PATJ: variants seen among roughly 807,000 people sequenced by gnomAD.
PATJ encodes PATJ crumbs cell polarity complex component.
PATJ carries 190 observed loss-of-function variants against 224.9 expected under a neutral mutation model. The ratio of observed to expected loss-of-function variants is 0.84; its 90% CI spans 0.75 to 0.95. The LOEUF (loss-of-function observed/expected upper bound fraction) is 0.95, where lower values mean the gene tolerates loss of function less well. Among genes scored for constraint, PATJ ranks in the 40% least tolerant of loss-of-function variants. The pLI is 0.00. For synonymous variants in PATJ, 769 were observed against 820.3 expected (o/e 0.94, Z 1.07); for missense variants, 2,121 against 2,270.3 (o/e 0.93, Z 1.34).
chr1:61,797,138 T>C (rs1557662344), intron 10 of PATJ, 149 bp from the exon 11 acceptor site: 2 of 812,364 alleles, frequency 2.5e-6, no homozygotes, highest in Non-Finnish European at 1.9e-6. Flanking sequence ...CCTACCAAAG[T>C]GCTGGGATTA....
intron 37 of PATJ, among the ~76,000 whole-genome samples, chr1:62,120,286 G>C: frequency 6.6e-6 from 1 of 152,022 alleles, no homozygotes; most frequent in East Asian, 1.9e-4. Flanking sequence ...AATTCTTTCA[G>C]CTTTTCTATA....
chr1:61,982,092 T>C (rs919153184), intron 27 of PATJ, among the ~76,000 whole-genome samples: 1 of 152,006 alleles, frequency 6.6e-6, no homozygotes, highest in African/African-American at 2.4e-5. Context: ...TTCTTAGGTT[T>C]TGTGGCCTGC....
intron 14 of PATJ, among the ~76,000 whole-genome samples, chr1:61,812,958 A>G (rs1377372706): frequency 6.6e-6 from 1 of 152,078 alleles, no homozygotes; most frequent in Admixed American, 6.6e-5. Flanking sequence ...TCTCCTTAGT[A>G]GTGTGGACTG....
At chr1:61,774,604 A>G (rs1456522917) in intron 6 of PATJ, among the ~76,000 whole-genome samples, 1 of 152,178 alleles carries the variant, frequency 6.6e-6, no homozygotes, top group Non-Finnish European at 1.5e-5. Context: ...TTTCTCTTCT[A>G]AACCTTTAAC....
intron 4 of PATJ, among the ~76,000 whole-genome samples, chr1:61,769,063 T>C (rs901355327): frequency 6.6e-6 from 1 of 152,160 alleles, no homozygotes; most frequent in African/African-American, 2.4e-5. Flanking sequence ...TGAAAATACC[T>C]CTGATTCCCT....
intron 36 of PATJ, among the ~76,000 whole-genome samples, 161 bp from the exon 37 acceptor site, chr1:62,116,971 C>T (rs1480149867): frequency 6.6e-6 from 1 of 152,158 alleles, no homozygotes; most frequent in African/African-American, 2.4e-5. Context: ...ATGAGATGGG[C>T]CCTCCAGGAG....
At chr1:62,015,705 G>GT (rs966203752) in intron 28 of PATJ, among the ~76,000 whole-genome samples, 60 of 151,928 alleles carry the variant, frequency 3.9e-4, no homozygotes, top group African/African-American at 1.4e-3. Flanking sequence ...GCTAATTTTT[G>GT]TTTTTTGTTT....
intron 18 of PATJ, among the ~76,000 whole-genome samples, chr1:61,859,430 C>T (rs1664200479): frequency 6.6e-6 from 1 of 151,966 alleles, no homozygotes; most frequent in African/African-American, 2.4e-5. Flanking sequence ...TTCTTTTTAA[C>T]TACTAAGTAA....
intron 29 of PATJ, among the ~76,000 whole-genome samples, chr1:62,025,183 C>T (rs1438532348): frequency 6.6e-6 from 1 of 152,210 alleles, no homozygotes; most frequent in East Asian, 1.9e-4. Flanking sequence ...CTCTGTGCAT[C>T]TTCCTGTCAC....
In PATJ at chr1:62,128,942, G is replaced by A; in HGVS notation, c.5268G>A (p.Leu1756=). The A allele has an allele frequency of 6.3e-7, 1 of 1,597,250 alleles. No individual in the cohort carries two copies. The highest frequency in any genetic ancestry group is 8.6e-7 in the Non-Finnish European group (1 of 1,165,188). Residue 1756 remains leucine (L), a synonymous_variant, in exon 41 of 44, where the codon CTG becomes CTA. Coordinates refer to ENST00000642238, the MANE Select transcript of PATJ (RefSeq NM_001350145.3). The stretch of plus-strand genomic sequence containing the variant: ...AGAACGCCTACGGGCGCATTATCCT[G>A]CAGGTATTGCGATCAACGGAGCACG... ...LLKNAYGRII[L]QVVADTNISA...
chr1:62,124,982 T>G (rs979193294), intron 39 of PATJ, among the ~76,000 whole-genome samples: 1 of 151,984 alleles, frequency 6.6e-6, no homozygotes, highest in Non-Finnish European at 1.5e-5. Context: ...ATCCCAGCAT[T>G]GTGGGAGGCC....
intron 28 of PATJ, among the ~76,000 whole-genome samples, chr1:62,000,840 C>A (rs1443598317): frequency 6.6e-6 from 1 of 151,202 alleles, no homozygotes; most frequent in Admixed American, 6.6e-5. Flanking sequence ...CCTATTTCTC[C>A]ACATCCTTTC....
intron 27 of PATJ, among the ~76,000 whole-genome samples, chr1:61,956,351 G>T (rs1432589531): frequency 6.6e-6 from 1 of 152,140 alleles, no homozygotes; most frequent in Non-Finnish European, 1.5e-5. Context: ...GGAAATGTAC[G>T]AGCATTTTGT....
At position 61,756,000 on chromosome 1, in the gene PATJ, C is replaced by G. The variant is rs191799336; in HGVS notation, c.-35-6858C>G. On this transcript the variant is annotated intron_variant, in intron 1 of 43. Transcript: ENST00000642238. ...TATTTTTAGTAGAGACGGGGTTTCT[C>G]CATGTTGGTCTCGAACTCCTGACCT... Among the ~76,000 whole-genome samples, 4 of 152,254 alleles carry G rather than the reference C, an allele frequency of 2.6e-5. No homozygotes were observed. In the East Asian group the frequency reaches 5.8e-4, roughly 22 times the overall value.
rs778283378 is a variant in PATJ, at chr1:61,884,279, A to C, written c.3002A>C (p.Asp1001Ala). 6.2e-7 allele frequency: 1 copy of C among 1,613,250 alleles called. No individual in the cohort carries two copies. ...NDVQGPSLLI[D>A]LPVVAQRREQ... ...GTCCAAGGTCCTAGCTTGCTCATTG[A>C]CCTTCCTGTTGTGGCTCAAAGGAGG... The change falls in exon 22 of 44, where the codon GAC becomes GCC. Residue 1001 changes from aspartate to alanine, a missense_variant. Asp to Ala is a moderately radical substitution (Grantham distance 126). Coordinates refer to ENST00000642238, the MANE Select transcript of PATJ (RefSeq NM_001350145.3).
intron 42 of PATJ, among the ~76,000 whole-genome samples, chr1:62,149,271 G>A (rs1489867851): frequency 6.6e-6 from 1 of 152,062 alleles, no homozygotes; most frequent in East Asian, 1.9e-4. Flanking sequence ...GAGTGATTCT[G>A]CTACAGATGG....
chr1:62,048,597 A>G (rs1311618748), intron 30 of PATJ, among the ~76,000 whole-genome samples: 2 of 151,388 alleles, frequency 1.3e-5, no homozygotes, highest in African/African-American at 4.8e-5. Context: ...AAAATAGTAA[A>G]TTATATTTAA....
chr1:61,816,516 G>C (rs985182299), intron 14 of PATJ: 2 of 151,956 alleles, frequency 1.3e-5, no homozygotes, highest in African/African-American at 4.8e-5. Context: ...AAGTGTTCCA[G>C]AACTATTAAA....
chr1:61,757,685 T>C (rs886158393), intron 1 of PATJ, among the ~76,000 whole-genome samples: 8 of 152,210 alleles, frequency 5.3e-5, no homozygotes, highest in African/African-American at 1.7e-4. Flanking sequence ...TATGCCTGGC[T>C]CCCTAGTTTT....
Sources: allele counts gnomAD v4.1 joint callset (sites outside exome capture counted in the v4.1 genomes callset), GRCh38; gene constraint gnomAD v4.1.1; transcripts MANE v1.5; gene names NCBI Gene and HGNC (gene_info 2026-07-23, HGNC 2026-07-21).